Variants in FRMD6 observed in about 807,000 individuals in gnomAD.
FRMD6 encodes the protein FERM domain-containing protein 6.
Under a neutral mutation model 73.2 loss-of-function variants are expected in FRMD6, and 37 were observed. The ratio of observed to expected loss-of-function variants is 0.51; its 90% confidence interval spans 0.39 to 0.66. The LOEUF (loss-of-function observed/expected upper bound fraction) is 0.66. Ranked by LOEUF, FRMD6 falls within the 30% of genes least tolerant of loss-of-function variation. The pLI is 0.00. For synonymous variants in FRMD6, 273 were observed against 282.2 expected (o/e 0.97, Z 0.33); for missense variants, 714 against 780.5 (o/e 0.91, Z 1.02).
chr14:51,497,540 G>A (rs1452955559), intron 1 of FRMD6, among the ~76,000 whole-genome samples: 1 of 152,026 alleles, frequency 6.6e-6, no homozygotes, highest in African/African-American at 2.4e-5. Context: ...CCACATGTGT[G>A]AGTCATATAT....
intron 2 of FRMD6, among the ~76,000 whole-genome samples, chr14:51,643,288 C>A (rs1283311545): frequency 6.6e-6 from 1 of 151,952 alleles, no homozygotes; most frequent in African/African-American, 2.4e-5. Context: ...GGATGAGGAA[C>A]CTGTGGAGAG....
At position 51,546,405 on chromosome 14, in the gene FRMD6, TTC is replaced by T. The variant is rs1437423837; in HGVS notation, c.-209-23941_-209-23940del. The stretch of plus-strand genomic sequence containing the variant: ...TCAGGAAAGAGAAACTCTTTTTTTT[TTC>T]TTTTTTTAAATAGTTCCTGTAAAAT... On this transcript the variant is annotated intron_variant, in intron 1 of 14. Coordinates refer to the FRMD6 transcript ENST00000356218. 1.7e-3 allele frequency among the ~76,000 whole-genome samples: 242 copies of T among 138,722 alleles called. 2 individuals carry two copies. The highest frequency in any genetic ancestry group is 7.7e-3 in the Middle Eastern group (2 of 260). The allele number at this position is 138,722 out of a possible 152,430, so 91.0% of individuals were successfully genotyped here. A position where few individuals can be genotyped will look rare whatever the true frequency, so the allele number is the denominator to read the frequency against.
At chr14:51,676,427 A>G (rs1368299585) in intron 1 of FRMD6, among the ~76,000 whole-genome samples, 1 of 152,210 alleles carries the variant, frequency 6.6e-6, no homozygotes, top group Non-Finnish European at 1.5e-5. Flanking sequence ...CCTGGAAACA[A>G]ACTGTGTAGT....
the FRMD6 span, among the ~76,000 whole-genome samples, chr14:51,402,641 CTTT>C: frequency 2.3e-5 from 3 of 128,392 alleles, no homozygotes; most frequent in Admixed American, 7.7e-5. Context: ...TTTTTCTTTT[CTTT>C]TTTTTTTTTT....
chr14:51,408,159 CTTTTTTTT>C, the FRMD6 span, among the ~76,000 whole-genome samples: 1 of 141,648 alleles, frequency 7.1e-6, no homozygotes, highest in Non-Finnish European at 1.6e-5. Flanking sequence ...CTCAGCTATT[CTTTTTTTT>C]TTTTTTACAA....
At chr14:51,520,331 C>T (rs531671277) in intron 1 of FRMD6, among the ~76,000 whole-genome samples, 8 of 152,322 alleles carry the variant, frequency 5.3e-5, no homozygotes, top group Middle Eastern at 3.4e-3. Context: ...CATTCTCACA[C>T]ACTGCTGATA....
At chr14:51,592,420 C>T (rs539841408) in intron 2 of FRMD6, among the ~76,000 whole-genome samples, 1 of 152,204 alleles carries the variant, frequency 6.6e-6, no homozygotes, top group Non-Finnish European at 1.5e-5. Flanking sequence ...TGTTATCCTT[C>T]CCATCCCTGG....
intron 1 of FRMD6, among the ~76,000 whole-genome samples, chr14:51,500,532 C>T (rs1387504577): frequency 1.6e-5 from 2 of 126,048 alleles, no homozygotes; most frequent in East Asian, 4.8e-4. Flanking sequence ...CAGAGTGAGA[C>T]TCTGTCTCAA....
chr14:51,660,465 G>T (rs1430628865), intron 1 of FRMD6, among the ~76,000 whole-genome samples: 1 of 152,054 alleles, frequency 6.6e-6, no homozygotes, highest in Non-Finnish European at 1.5e-5. Context: ...AACAGAATGT[G>T]CAAGATCTGG....
chr14:51,660,861 G>C (rs1360784099), intron 1 of FRMD6, among the ~76,000 whole-genome samples: 1 of 152,146 alleles, frequency 6.6e-6, no homozygotes, highest in Non-Finnish European at 1.5e-5. Flanking sequence ...GCCACACAGA[G>C]CTAGCTGGGG....
At chr14:51,659,210 C>T (rs572698605) in intron 1 of FRMD6, among the ~76,000 whole-genome samples, 3 of 152,176 alleles carry the variant, frequency 2.0e-5, no homozygotes, top group Non-Finnish European at 4.4e-5. Flanking sequence ...TTTTCCTCAT[C>T]AGTAAAGTGG....
At chr14:51,531,359 A>T (rs1885573295) in intron 1 of FRMD6, among the ~76,000 whole-genome samples, 1 of 152,236 alleles carries the variant, frequency 6.6e-6, no homozygotes, top group African/African-American at 2.4e-5. Context: ...AATGTCAAAC[A>T]AGCCAAAATT....
intron 1 of FRMD6, among the ~76,000 whole-genome samples, chr14:51,676,504 A>C (rs984102488): frequency 2.6e-5 from 4 of 152,182 alleles, no homozygotes; most frequent in Non-Finnish European, 5.9e-5. Flanking sequence ...TCTGCATAGG[A>C]TCCGTAATGG....
chr14:51,560,813 C>T (rs1463769770), intron 1 of FRMD6, among the ~76,000 whole-genome samples: 1 of 152,066 alleles, frequency 6.6e-6, no homozygotes, highest in Non-Finnish European at 1.5e-5. Flanking sequence ...ACCCAGAGTC[C>T]TCTCAAAGGT....
At chr14:51,593,921 C>T (rs1889549924) in intron 2 of FRMD6, among the ~76,000 whole-genome samples, 1 of 151,976 alleles carries the variant, frequency 6.6e-6, no homozygotes, top group South Asian at 2.1e-4. Context: ...TTTCATTTCT[C>T]CTTTCCAAGA....
chr14:51,469,505 C>T, the FRMD6 span, among the ~76,000 whole-genome samples: 5 of 148,284 alleles, frequency 3.4e-5, no homozygotes, highest in Non-Finnish European at 3.0e-5. Context: ...CCCAGCTACT[C>T]GGGAGGCTGA....
intron 1 of FRMD6, among the ~76,000 whole-genome samples, chr14:51,657,604 G>A (rs1387718239): frequency 6.6e-6 from 1 of 152,128 alleles, no homozygotes; most frequent in East Asian, 1.9e-4. Flanking sequence ...TTTGTTGGTG[G>A]ATATTTGGGT....
intron 2 of FRMD6, among the ~76,000 whole-genome samples, chr14:51,638,273 C>T (rs1227055820): frequency 2.0e-5 from 3 of 152,018 alleles, no homozygotes; most frequent in East Asian, 1.9e-4. Context: ...CAGAGCAAGA[C>T]CTTGTCTTAA....
At position 51,655,938 on chromosome 14, in the gene FRMD6, G is replaced by A. The variant is rs1485993482; in HGVS notation, c.-147+3942G>A. Among the ~76,000 whole-genome samples the A allele has an allele frequency of 2.6e-5, 4 of 152,260 alleles. No homozygotes were observed. The East Asian group carries it at 7.7e-4, about 29-fold the overall frequency. On this transcript the variant is annotated intron_variant, in intron 1 of 13. Transcript: ENST00000344768. ...AAAGCCACTTCCCATTTCAAAGACT[G>A]GAAACATTTTTTGTTTAAGTGCTAA...
Sources: allele counts gnomAD v4.1 joint callset (sites outside exome capture counted in the v4.1 genomes callset), GRCh38; gene constraint gnomAD v4.1.1; transcripts MANE v1.5; gene names NCBI Gene and HGNC (gene_info 2026-07-23, HGNC 2026-07-21).